CRHBP: variants seen among roughly 807,000 people sequenced by gnomAD.
CRHBP encodes the protein corticotropin-releasing hormone-binding protein.
CRHBP carries 19 observed loss-of-function variants against 34.9 expected under a neutral mutation model. The observed-to-expected ratio is 0.55, with a 90% CI of 0.38 to 0.80. The LOEUF (loss-of-function observed/expected upper bound fraction) is 0.80. Among genes scored for constraint, CRHBP ranks in the 30% least tolerant of loss-of-function variants. The pLI is 0.00. For missense variants in CRHBP, 328 were observed against 409.2 expected, an observed-to-expected ratio of 0.80 and a Z score of 1.71; for synonymous variants, 154 against 153.4, an observed-to-expected ratio of 1.00 and a Z score of -0.03.
intron 3 of CRHBP, among the ~76,000 whole-genome samples, chr5:76,978,287 T>C (rs1580101827): frequency 6.6e-6 from 1 of 152,242 alleles, no homozygotes; most frequent in South Asian, 2.1e-4. Context: ...CTAGGACTTT[T>C]ATCGCTAAAG....
At chr5:76,960,040 CA>C (rs1488424508) in intron 5 of CRHBP, among the ~76,000 whole-genome samples, 1 of 152,204 alleles carries the variant, frequency 6.6e-6, no homozygotes, top group Non-Finnish European at 1.5e-5. Flanking sequence ...TAGCAATAAA[CA>C]AGACAGGTCC....
intron 4 of CRHBP, 75 bp downstream of exon 4, chr5:76,955,938 T>TA (rs1745661833): frequency 4.9e-5 from 64 of 1,317,838 alleles, no homozygotes; most frequent in Admixed American, 7.3e-5. Context: ...TGCACAGACT[T>TA]AAAGAAATTT....
chr5:76,966,173 C>T (rs1745858068), intron 6 of CRHBP, among the ~76,000 whole-genome samples: 1 of 152,146 alleles, frequency 6.6e-6, no homozygotes, highest in Non-Finnish European at 1.5e-5. Context: ...CATGTGCCAC[C>T]ACGCCTGGCT....
intron 3 of CRHBP, among the ~76,000 whole-genome samples, chr5:76,980,743 G>T (rs1190033688): frequency 6.6e-6 from 1 of 152,210 alleles, no homozygotes; most frequent in Non-Finnish European, 1.5e-5. Context: ...TATGGAAAAA[G>T]ACGGAGTTTC....
chr5:76,976,099 A>G (rs1177656167), intron 2 of CRHBP, among the ~76,000 whole-genome samples: 1 of 151,506 alleles, frequency 6.6e-6, no homozygotes, highest in Non-Finnish European at 1.5e-5. Context: ...CTTATATATA[A>G]TAAGATGCTG....
In CRHBP at chr5:76,958,878, CT is replaced by C. The variant is rs1745731480; in HGVS notation, c.684del (p.Gln229SerfsTer2). 6.2e-7 allele frequency: 1 copy of C among 1,613,594 alleles called. No individual in the cohort carries two copies. The highest frequency in any genetic ancestry group is 1.7e-5 in the Admixed American group (1 of 59,914). ...SDLTLGHVNG[L>X]QLKKSSAGCE... ...TCTTACCCTGGGACACGTAAATGGT[CT>C]TCAGTTAAAGGTGAGTTGCTTACTT... On this transcript the variant is annotated frameshift_variant, in exon 5 of 7. Coordinates refer to ENST00000274368, the MANE Select transcript of CRHBP (RefSeq NM_001882.4). LOFTEE classifies it high-confidence loss of function.
chr5:76,962,915 A>G (rs1445748020), intron 5 of CRHBP, among the ~76,000 whole-genome samples: 2 of 152,216 alleles, frequency 1.3e-5, no homozygotes, highest in African/African-American at 4.8e-5. Context: ...TGAAAGCCCT[A>G]TTTATAAAAT....
In CRHBP at chr5:76,953,690, T is replaced by G. The variant is rs1046856192; in HGVS notation, c.171T>G (p.Ala57=). 1.2e-6 allele frequency: 2 copies of G among 1,607,620 alleles called. No homozygotes were observed. Among genetic ancestry groups the G allele is most frequent in the African/African-American group, 2.7e-5 (2 of 74,798 alleles). Residue 57 remains alanine (A), a synonymous_variant, in exon 2 of 7, where the codon GCT becomes GCG. Coordinates refer to ENST00000274368, the MANE Select transcript of CRHBP (RefSeq NM_001882.4). ...CTGGGGAGCAGCCGTACCGCCGCGC[T>G]CTGCGTGAGTCGAGGCTGCCCGGCT... ...ELAGEQPYRR[A]LRCLDMLSLQ...
intron 3 of CRHBP, among the ~76,000 whole-genome samples, chr5:76,979,745 T>C (rs1746090461): frequency 6.6e-6 from 1 of 152,202 alleles, no homozygotes; most frequent in African/African-American, 2.4e-5. Flanking sequence ...CACTTCTATA[T>C]GTACTAGGAA....
In CRHBP at chr5:76,963,863, T is replaced by C. The variant is rs569749293; in HGVS notation, c.811+403T>C. Among the ~76,000 whole-genome samples, 39 of 152,290 alleles carry C rather than the reference T, an allele frequency of 2.6e-4. 1 individual carries two copies. In the South Asian group the frequency reaches 8.1e-3, roughly 32 times the overall value. The stretch of plus-strand genomic sequence containing the variant: ...ATGAAATAACTGTTTTTTATGTATG[T>C]GTATGTATGTGTGTGTGTTACTCAT... On this transcript the variant is annotated intron_variant, in intron 6 of 6. Transcript: ENST00000274368.
At chr5:76,970,972 A>G (rs752800300), downstream of CRHBP, among the ~76,000 whole-genome samples, 4 of 152,176 alleles carry the variant, frequency 2.6e-5, no homozygotes, top group Admixed American at 1.3e-4. Flanking sequence ...TGAACTGTCC[A>G]TGTCTTTTTC....
intron 3 of CRHBP, among the ~76,000 whole-genome samples, chr5:76,978,004 A>G (rs1377671625): frequency 3.3e-5 from 5 of 152,234 alleles, no homozygotes; most frequent in Admixed American, 6.5e-5. Flanking sequence ...GCGTTCCTTT[A>G]AGCCAAAACC....
At chr5:76,977,091 G>A (rs527452396) in intron 3 of CRHBP, among the ~76,000 whole-genome samples, 151 of 152,156 alleles carry the variant, frequency 9.9e-4, no homozygotes, top group Non-Finnish European at 1.7e-3. Context: ...GTGCCCCTTA[G>A]GGGACACTGA....
chr5:76,961,182 T>C (rs1421937262), intron 5 of CRHBP, among the ~76,000 whole-genome samples: 2 of 152,206 alleles, frequency 1.3e-5, no homozygotes, highest in Admixed American at 1.3e-4. Context: ...GGTCCCTGCA[T>C]AACTCAGTTT....
chr5:76,977,995 C>T (rs144524490), intron 3 of CRHBP, among the ~76,000 whole-genome samples: 4 of 152,286 alleles, frequency 2.6e-5, no homozygotes, highest in East Asian at 1.9e-4. Flanking sequence ...ACAGCCACAG[C>T]GTTCCTTTAA....
At chr5:76,955,221 T>C (rs1434676755) in intron 3 of CRHBP, among the ~76,000 whole-genome samples, 6 of 152,242 alleles carry the variant, frequency 3.9e-5, no homozygotes, top group Admixed American at 3.9e-4. Flanking sequence ...TCCAGTTTTT[T>C]CTTTTGCTAT....
Position 76,954,174 on chromosome 5 carries a change from C to T in CRHBP, c.321C>T (p.Gly107=). Residue 107 remains glycine, a synonymous_variant, in exon 3 of 7, where the codon GGC becomes GGT. Transcript: ENST00000274368. Reference sequence around the variant, plus strand: ...AGGTCTCCATCGACTGTCAGGGCGGCGACTTCCTGAAGGTGAGGCGCCCAC... The same window carrying T: ...AGGTCTCCATCGACTGTCAGGGCGGTGACTTCCTGAAGGTGAGGCGCCCAC... The part of the protein sequence containing the change: ...YDQVSIDCQG[G]DFLKVFDGWI... The T allele has an allele frequency of 1.9e-6, 3 of 1,612,802 alleles. No homozygotes were observed. Among genetic ancestry groups the T allele is most frequent in the East Asian group, 2.2e-5 (1 of 44,822 alleles).
At chr5:76,956,014 T>G in intron 4 of CRHBP, 151 bp downstream of exon 4, 1 of 657,370 alleles carries the variant, frequency 1.5e-6, no homozygotes, top group South Asian at 2.1e-5. Flanking sequence ...ATAGTTTCTA[T>G]TCTTTATTAT....
At chr5:76,967,302 A>G (rs1021452167) in intron 6 of CRHBP, among the ~76,000 whole-genome samples, 26 of 152,320 alleles carry the variant, frequency 1.7e-4, no homozygotes, top group African/African-American at 4.8e-4. Context: ...AAGCTTAACT[A>G]GACTACCTGG....
Sources: gnomAD v4.1 joint callset for allele counts (sites outside exome capture counted in the v4.1 genomes callset) on GRCh38, gnomAD v4.1.1 for gene constraint, MANE v1.5 for transcripts, NCBI Gene and HGNC (gene_info 2026-07-23, HGNC 2026-07-21) for gene names.